Variants in FAM13A observed in about 807,000 individuals in gnomAD.
FAM13A encodes protein FAM13A.
A neutral mutation model predicts 129.6 loss-of-function variants in FAM13A; 76 were observed. That is an observed-to-expected ratio of 0.59 (90% CI 0.49 to 0.71). The LOEUF (loss-of-function observed/expected upper bound fraction) is 0.71, where lower values mean the gene tolerates loss of function less well. Ranked by LOEUF, FAM13A falls within the 30% of genes least tolerant of loss-of-function variation. FAM13A has a pLI of 0.00. For synonymous variants in FAM13A, 443 were observed against 449.9 expected, an observed-to-expected ratio of 0.98 and a Z score of 0.20; for missense variants, 1,108 against 1,249.3, an observed-to-expected ratio of 0.89 and a Z score of 1.70.
chr4:89,016,212 C>A (rs1482486363), intron 3 of FAM13A, among the ~76,000 whole-genome samples: 2 of 145,634 alleles, frequency 1.4e-5, no homozygotes, highest in South Asian at 2.2e-4. Flanking sequence ...CACAATTTTA[C>A]AAAGTAAAAA....
intron 4 of FAM13A, among the ~76,000 whole-genome samples, chr4:88,955,230 TATTA>T (rs1265143767): frequency 6.6e-6 from 1 of 152,160 alleles, no homozygotes; most frequent in Non-Finnish European, 1.5e-5. Context: ...TATATTTATT[TATTA>T]TATTGTTATA....
intron 6 of FAM13A, among the ~76,000 whole-genome samples, chr4:88,887,654 C>A: frequency 6.6e-6 from 1 of 151,912 alleles, no homozygotes; most frequent in African/African-American, 2.4e-5. Context: ...CCTTAGCCTC[C>A]CAAATAGCTG....
At chr4:88,744,731 T>C (rs560716163) in intron 19 of FAM13A, among the ~76,000 whole-genome samples, 50 of 152,316 alleles carry the variant, frequency 3.3e-4, no homozygotes, top group African/African-American at 1.2e-3. Context: ...AAAAGTTGAC[T>C]CTTTGATTTT....
At chr4:88,888,876 C>A (rs1183926664) in intron 6 of FAM13A, among the ~76,000 whole-genome samples, 1 of 147,562 alleles carries the variant, frequency 6.8e-6, no homozygotes, top group East Asian at 2.0e-4. Flanking sequence ...GCGGAGCTTG[C>A]AGTGAGCCGA....
intron 3 of FAM13A, among the ~76,000 whole-genome samples, chr4:88,992,254 A>G (rs1165247830): frequency 6.8e-6 from 1 of 146,028 alleles, no homozygotes; most frequent in Non-Finnish European, 1.5e-5. Flanking sequence ...GTCAGAATGA[A>G]TAACTTTTTT....
intron 5 of FAM13A, among the ~76,000 whole-genome samples, chr4:88,932,108 T>C (rs531495264): frequency 6.6e-6 from 1 of 152,340 alleles, no homozygotes; most frequent in Admixed American, 6.5e-5. Context: ...CTACAGTACA[T>C]ACTCATTAAA....
At chr4:88,968,256 T>C (rs1262221388) in intron 4 of FAM13A, among the ~76,000 whole-genome samples, 2 of 152,202 alleles carry the variant, frequency 1.3e-5, no homozygotes, top group East Asian at 3.8e-4. Context: ...AAGGTCATCA[T>C]CTGATTAAGA....
chr4:89,016,614 C>T lies in FAM13A; in HGVS notation c.427+3846G>A, dbSNP rs898901872. Among the ~76,000 whole-genome samples, 8 of 151,990 alleles carry T rather than the reference C, an allele frequency of 5.3e-5. No individual in the cohort carries two copies. In the South Asian group the frequency reaches 6.2e-4, roughly 12 times the overall value. ...AACAATCTTTTATACTATATTTTTACGTACCTTTTCTGTTTTCTTTTTTAT... is the reference window on the plus strand; with the variant it reads ...AACAATCTTTTATACTATATTTTTATGTACCTTTTCTGTTTTCTTTTTTAT... On this transcript the variant is annotated intron_variant, in intron 3 of 23. Coordinates refer to ENST00000264344, the MANE Select transcript of FAM13A (RefSeq NM_014883.4).
At chr4:88,764,129 T>C (rs904639849) in intron 13 of FAM13A, among the ~76,000 whole-genome samples, 1 of 152,182 alleles carries the variant, frequency 6.6e-6, no homozygotes, top group Non-Finnish European at 1.5e-5. Context: ...AAGCCTTGTC[T>C]CCTCTCCTTC....
At chr4:88,831,107 G>C (rs1458579022) in intron 7 of FAM13A, among the ~76,000 whole-genome samples, 1 of 151,906 alleles carries the variant, frequency 6.6e-6, no homozygotes, top group East Asian at 1.9e-4. Context: ...TCTGGGACAG[G>C]GAAAAATCCA....
At position 88,726,138 on chromosome 4, in the gene FAM13A, G is replaced by A. The variant is rs979297236; in HGVS notation, c.*2395C>T. 6.6e-6 allele frequency: 1 copy of A among 152,188 alleles called. No individual in the cohort carries two copies. The highest frequency in any genetic ancestry group is 1.5e-5 in the Non-Finnish European group (1 of 68,040). 9.4% of individuals were successfully genotyped at this position (152,188 alleles called of 1,614,324 possible). A position where few individuals can be genotyped will look rare whatever the true frequency, so the allele number is the denominator to read the frequency against. On this transcript the variant is annotated 3_prime_UTR_variant, in exon 24 of 24. Transcript: ENST00000264344. ...AATTAATTAAGACACCGCCTCTAGTGCCTTGAGATTCTGGGCTGCAGAAAT... is the reference window on the plus strand; with the variant it reads ...AATTAATTAAGACACCGCCTCTAGTACCTTGAGATTCTGGGCTGCAGAAAT...
chr4:88,800,951 G>C (rs573828213), intron 8 of FAM13A, among the ~76,000 whole-genome samples: 1 of 151,728 alleles, frequency 6.6e-6, no homozygotes, highest in African/African-American at 2.4e-5. Context: ...GATAATGAAG[G>C]ATTTTTACCT....
At chr4:88,944,394 A>C (rs1388757227) in intron 4 of FAM13A, among the ~76,000 whole-genome samples, 2 of 152,190 alleles carry the variant, frequency 1.3e-5, no homozygotes, top group Non-Finnish European at 2.9e-5. Context: ...AACATCATGT[A>C]ACTGGAAACA....
intron 19 of FAM13A, among the ~76,000 whole-genome samples, chr4:88,743,186 G>A (rs184314118): frequency 1.3e-5 from 2 of 152,174 alleles, no homozygotes; most frequent in Non-Finnish European, 2.9e-5. Flanking sequence ...TGGTTGTCCC[G>A]TAAATTTCGG....
chr4:88,837,693 G>T (rs1431784767), intron 7 of FAM13A, among the ~76,000 whole-genome samples: 1 of 140,726 alleles, frequency 7.1e-6, no homozygotes, highest in Non-Finnish European at 1.5e-5. Flanking sequence ...ACTCCAGCCT[G>T]GGCAACAAGA....
At chr4:88,896,512 T>C (rs11934008) in intron 6 of FAM13A, among the ~76,000 whole-genome samples, 1,703 of 152,314 alleles carry the variant, frequency 0.011, 39 homozygotes, top group African/African-American at 0.038. Flanking sequence ...CTCAAAACCT[T>C]CCATTATTTT....
Position 88,790,504 on chromosome 4 carries a change from C to CA in FAM13A, c.1091+81_1091+82insT, listed in dbSNP as rs535769478. ...CCAATACTGTACACCATTAGAGTTG[C>CA]TTTTTTTTTCTGTTTAATAAGTGGG... On this transcript the variant is annotated intron_variant, in intron 9 of 23. Transcript: ENST00000264344. 4,681 of 1,151,678 alleles carry CA rather than the reference C, an allele frequency of 4.1e-3. 25 individuals are homozygous for CA. Among genetic ancestry groups the CA allele is most frequent in the Non-Finnish European group, 5.3e-3 (4,199 of 794,582 alleles). 71.3% of individuals were successfully genotyped at this position (1,151,678 alleles called of 1,614,324 possible).
chr4:88,747,348 G>A (rs1415679093), intron 18 of FAM13A, among the ~76,000 whole-genome samples: 1 of 152,170 alleles, frequency 6.6e-6, no homozygotes, highest in Non-Finnish European at 1.5e-5. Context: ...CCAAAGGTTT[G>A]TCTCTAATCC....
At chr4:88,776,231 T>C (rs950271453) in intron 11 of FAM13A, among the ~76,000 whole-genome samples, 5 of 152,234 alleles carry the variant, frequency 3.3e-5, no homozygotes, top group Non-Finnish European at 5.9e-5. Flanking sequence ...TATATCCTTT[T>C]AGCCTTTCTT....
Sources: gnomAD v4.1 joint callset for allele counts (sites outside exome capture counted in the v4.1 genomes callset) on GRCh38, gnomAD v4.1.1 for gene constraint, MANE v1.5 for transcripts, NCBI Gene and HGNC (gene_info 2026-07-23, HGNC 2026-07-21) for gene names.